The following ZNF761 variants were observed in gnomAD, a reference collection of about 807,000 sequenced individuals.
The protein encoded by ZNF761 is zinc finger protein 761.
ZNF761 carries 43 observed loss-of-function variants against 59.9 expected under a neutral mutation model. That is an observed-to-expected ratio of 0.72 (90% confidence interval 0.56 to 0.92). The LOEUF (loss-of-function observed/expected upper bound fraction) is 0.92, where lower values mean the gene tolerates loss of function less well. ZNF761 is among the 40% of genes least tolerant of loss of function. The pLI, the probability that ZNF761 is intolerant of heterozygous loss-of-function variation, is 0.00. For missense variants in ZNF761, 850 were observed against 906.1 expected, an observed-to-expected ratio of 0.94 and a Z score of 0.79; for synonymous variants, 294 against 304.8, an observed-to-expected ratio of 0.96 and a Z score of 0.37.
chr19:53,445,468 C>T lies in ZNF761; in HGVS notation c.-184-759C>T, dbSNP rs1057173103. 3.5e-5 allele frequency among the ~76,000 whole-genome samples: 5 copies of T among 142,196 alleles called. No homozygotes were observed. In the East Asian group the frequency reaches 8.3e-4, roughly 24 times the overall value. 93.3% of individuals were successfully genotyped at this position (142,196 alleles called of 152,430 possible). A position where few individuals can be genotyped will look rare whatever the true frequency, so the allele number is the denominator to read the frequency against. On this transcript the variant is annotated intron_variant, in intron 1 of 4. Coordinates refer to ENST00000684525, the MANE Select transcript of ZNF761 (RefSeq NM_001289951.2). ...CCTTCTCACTCATCTCAGACCTTCTCAGGGTAACTTGGTGAAAATTTCCCT... is the reference window on the plus strand; with the variant it reads ...CCTTCTCACTCATCTCAGACCTTCTTAGGGTAACTTGGTGAAAATTTCCCT...
chr19:53,457,551 T>C lies in ZNF761; in HGVS notation c.*803T>C. 3.0e-6 allele frequency: 1 copy of C among 336,164 alleles called. No homozygotes were observed. The highest frequency in any genetic ancestry group is 2.6e-5 in the South Asian group (1 of 37,980). 20.8% of individuals were successfully genotyped at this position (336,164 alleles called of 1,614,324 possible). A position where few individuals can be genotyped will look rare whatever the true frequency, so the allele number is the denominator to read the frequency against. On this transcript the variant is annotated 3_prime_UTR_variant, in exon 5 of 5. Coordinates refer to ENST00000684525, the MANE Select transcript of ZNF761 (RefSeq NM_001289951.2). ...CACTCCTTGCAGAATATGAGAAAAT[T>C]CATTTTGGAGGTAGTTGGTCCATAT...
intron 3 of ZNF761, among the ~76,000 whole-genome samples, 195 bp from the exon 4 acceptor site, chr19:53,449,317 G>A (rs2086193808): frequency 1.3e-5 from 2 of 151,408 alleles, no homozygotes; most frequent in South Asian, 4.2e-4. Flanking sequence ...GTGACAGACT[G>A]AGACTCCACC....
rs756008918 is a variant in ZNF761, at chr19:53,454,911, C to G, written c.404C>G (p.Pro135Arg). The G allele has an allele frequency of 5.6e-6, 9 of 1,614,008 alleles. No individual in the cohort carries two copies. The highest frequency in any genetic ancestry group is 7.6e-6 in the Non-Finnish European group (9 of 1,180,032). ...GATCAAAGTCATGCTAGAAACAAGC[C>G]TATTAAAGATCAGCTTGGATCAAGC... ...RYDQSHARNKPIKDQLGSSFH... is the reference protein window; with the variant it reads ...RYDQSHARNKRIKDQLGSSFH... The change falls in exon 5 of 5, where the codon CCT (proline) becomes CGT (arginine). Residue 135 changes from proline to arginine, a missense_variant. Pro to Arg is a moderately radical substitution (Grantham distance 103). Coordinates refer to ENST00000684525, the MANE Select transcript of ZNF761 (RefSeq NM_001289951.2).
rs2086265248 is a variant in ZNF761, at chr19:53,455,929, T to C, written c.1422T>C (p.Ala474=). 1.9e-6 allele frequency: 3 copies of C among 1,612,706 alleles called. No homozygotes were observed. The Admixed American group carries it at 5.0e-5, about 27-fold the overall frequency. Reference sequence around the variant, plus strand: ...ACAAATGTGAAGAATGTGACAAAGCTTTCCGTTTCAAATCAAACCTTGAAA... The same window carrying C: ...ACAAATGTGAAGAATGTGACAAAGCCTTCCGTTTCAAATCAAACCTTGAAA... ...QPYKCEECDK[A]FRFKSNLERH... The change falls in exon 5 of 5, where the codon GCT becomes GCC. Residue 474 remains alanine (A), a synonymous_variant. Transcript: ENST00000684525.
chr19:53,438,423 G>A (rs1432620205), intron 1 of ZNF761, among the ~76,000 whole-genome samples: 2 of 152,236 alleles, frequency 1.3e-5, no homozygotes, highest in Non-Finnish European at 2.9e-5. Flanking sequence ...GATCCTATAA[G>A]TTGAGTCAGA....
intron 2 of ZNF761, among the ~76,000 whole-genome samples, chr19:53,446,675 GT>G (rs1244246776): frequency 1.3e-5 from 2 of 150,524 alleles, no homozygotes; most frequent in African/African-American, 4.9e-5. Context: ...GCCTGGCTCA[GT>G]TTTTTTATTT....
intron 1 of ZNF761, among the ~76,000 whole-genome samples, chr19:53,436,576 G>A (rs1432851793): frequency 6.6e-6 from 1 of 152,202 alleles, no homozygotes. Flanking sequence ...TTCAGTAGCT[G>A]CTTGAGTGTC....
At chr19:53,445,486 A>T (rs2086147043) in intron 1 of ZNF761, among the ~76,000 whole-genome samples, 1 of 71,976 alleles carries the variant, frequency 1.4e-5, no homozygotes, top group South Asian at 6.7e-4. Context: ...CTTGGTGAAA[A>T]TTTCCCTGCT....
chr19:53,449,794 T>C, intron 4 of ZNF761, 156 bp downstream of exon 4: 1 of 1,445,152 alleles, frequency 6.9e-7, no homozygotes, highest in Non-Finnish European at 9.2e-7. Context: ...GCTCAAGTGA[T>C]TGTCCCACCT....
At position 53,457,055 on chromosome 19, in the gene ZNF761, C is replaced by A; in HGVS notation, c.*307C>A. 1 of 566,060 alleles carries A rather than the reference C, an allele frequency of 1.8e-6. No homozygotes were observed. The highest frequency in any genetic ancestry group is 3.1e-6 in the Non-Finnish European group (1 of 318,412). The allele number at this position is 566,060 out of a possible 1,614,324, so 35.1% of individuals were successfully genotyped here. ...ACCTGGCACAACATGCTAGAATTCA[C>A]ACTGGAGAGAAACCTTACCAGTGTA... On this transcript the variant is annotated 3_prime_UTR_variant, in exon 5 of 5. Coordinates refer to ENST00000684525, the MANE Select transcript of ZNF761 (RefSeq NM_001289951.2).
Position 53,455,415 on chromosome 19 carries a change from G to T in ZNF761, c.908G>T (p.Cys303Phe). 1.2e-6 allele frequency: 2 copies of T among 1,613,928 alleles called. No individual in the cohort carries two copies. The highest frequency in any genetic ancestry group is 2.2e-5 in the East Asian group (1 of 44,858). Residue 303 changes from cysteine (C) to phenylalanine (F), a missense_variant, in exon 5 of 5, where the codon TGT becomes TTT. By Grantham distance (205) the Cys-to-Phe change is radical. Transcript: ENST00000684525. ...GAGAAACCTTACAAATGTGAAGAAT[G>T]TGACAAAGCTTTCCATTTCAAATCA... ...TGEKPYKCEE[C>F]DKAFHFKSIL...
rs768914423 is a variant in ZNF761, at chr19:53,438,658, G to A, written c.-185+6630G>A. Among the ~76,000 whole-genome samples the A allele has an allele frequency of 8.5e-5, 13 of 152,280 alleles. 1 individual carries two copies. The South Asian group carries it at 1.2e-3, about 15-fold the overall frequency. ...AATCCAGATGTGGCAGAATGTTGCT[G>A]CGTCTAAAAATTCCTATTTGTCATC... On this transcript the variant is annotated intron_variant, in intron 1 of 4. Coordinates refer to ENST00000684525, the MANE Select transcript of ZNF761 (RefSeq NM_001289951.2).
chr19:53,455,359 C>T lies in ZNF761; in HGVS notation c.852C>T (p.Ser284=). Residue 284 remains serine, a synonymous_variant, in exon 5 of 5, where the codon TCC becomes TCT. Coordinates refer to ENST00000684525, the MANE Select transcript of ZNF761 (RefSeq NM_001289951.2). ...ECGKTFSQTS[S]LTCHRRLHTG... The stretch of plus-strand genomic sequence containing the variant: ...GCAAGACCTTCAGTCAGACGTCATC[C>T]CTTACATGCCATCGTAGACTTCATA... The T allele has an allele frequency of 6.2e-7, 1 of 1,614,146 alleles. No homozygotes were observed. The highest frequency in any genetic ancestry group is 2.2e-5 in the East Asian group (1 of 44,874).
At chr19:53,444,897 G>A (rs1260266916) in intron 1 of ZNF761, 2 of 152,072 alleles carry the variant, frequency 1.3e-5, no homozygotes, top group African/African-American at 4.8e-5. Flanking sequence ...TTTATATTAT[G>A]TCAGACTAGC....
Position 53,457,316 on chromosome 19 carries a change from A to C in ZNF761, c.*568A>C. The C allele has an allele frequency of 2.5e-6, 1 of 407,698 alleles. No homozygotes were observed. The highest frequency in any genetic ancestry group is 1.9e-5 in the South Asian group (1 of 51,936). The allele number at this position is 407,698 out of a possible 1,614,324, so 25.3% of individuals were successfully genotyped here. ...TTCATCGGTGAACTCAACGCTGGAG[A>C]GAAACCTTACAAATGTCATGACTGT... On this transcript the variant is annotated 3_prime_UTR_variant, in exon 5 of 5. Transcript: ENST00000684525.
At chr19:53,448,581 A>G (rs1234948098) in intron 3 of ZNF761, among the ~76,000 whole-genome samples, 4 of 152,110 alleles carry the variant, frequency 2.6e-5, no homozygotes, top group African/African-American at 9.7e-5. Flanking sequence ...ATGAGATATA[A>G]TGGATTTCCA....
chr19:53,450,736 C>T (rs2086214604), intron 4 of ZNF761, among the ~76,000 whole-genome samples: 1 of 152,102 alleles, frequency 6.6e-6, no homozygotes, highest in South Asian at 2.1e-4. Context: ...GTGGCTCACG[C>T]CTGTAATCCC....
In ZNF761 at chr19:53,455,389, A is replaced by G. The variant is rs763501470; in HGVS notation, c.882A>G (p.Gly294=). 9 of 1,614,136 alleles carry G rather than the reference A, an allele frequency of 5.6e-6. No individual in the cohort carries two copies. In the South Asian group the frequency reaches 9.9e-5, roughly 18 times the overall value. ...CATGCCATCGTAGACTTCATACTGG[A>G]GAGAAACCTTACAAATGTGAAGAAT... is the stretch of plus-strand genomic sequence containing the variant. ...SLTCHRRLHT[G]EKPYKCEECD... The change falls in exon 5 of 5, where the codon GGA becomes GGG. Residue 294 remains glycine (G), a synonymous_variant. Transcript: ENST00000684525.
intron 4 of ZNF761, among the ~76,000 whole-genome samples, chr19:53,454,227 G>A (rs2086244169): frequency 1.3e-5 from 2 of 152,150 alleles, no homozygotes; most frequent in South Asian, 4.1e-4. Flanking sequence ...ACATGAGCTT[G>A]TTGTGGATTA....
Sources: allele counts gnomAD v4.1 joint callset (sites outside exome capture counted in the v4.1 genomes callset), GRCh38; gene constraint gnomAD v4.1.1; transcripts MANE v1.5; gene names NCBI Gene and HGNC (gene_info 2026-07-23, HGNC 2026-07-21).